Variants in PI4KA observed in about 807,000 individuals in gnomAD.
The protein encoded by PI4KA is phosphatidylinositol 4-kinase alpha, also known as PI4-kinase alpha.
Under a neutral mutation model 271.4 loss-of-function variants are expected in PI4KA, and 122 were observed. The ratio of observed to expected loss-of-function variants is 0.45; its 90% CI spans 0.39 to 0.52. The LOEUF (loss-of-function observed/expected upper bound fraction) is 0.52, where lower values mean the gene tolerates loss of function less well. Among genes scored for constraint, PI4KA ranks in the 20% least tolerant of loss-of-function variants. PI4KA has a pLI of 0.00. For missense variants in PI4KA, 1,969 were observed against 2,769.1 expected, an observed-to-expected ratio of 0.71 and a Z score of 6.48; for synonymous variants, 1,041 against 1,078.8, an observed-to-expected ratio of 0.96 and a Z score of 0.69.
At chr22:20,728,703 C>G (rs1927654047) in intron 39 of PI4KA, among the ~76,000 whole-genome samples, 1 of 152,218 alleles carries the variant, frequency 6.6e-6, no homozygotes, top group Admixed American at 6.5e-5. Context: ...CAAAGTAGGG[C>G]TGGAGAGAGG....
intron 42 of PI4KA, chr22:20,725,568 AC>A: frequency 2.2e-6 from 1 of 451,514 alleles, no homozygotes; most frequent in Non-Finnish European, 4.5e-6. Context: ...CAAAAGGATG[AC>A]CCTGTAAGGA....
intron 1 of PI4KA, among the ~76,000 whole-genome samples, chr22:20,845,039 T>C (rs1926074163): frequency 6.6e-6 from 1 of 152,166 alleles, no homozygotes; most frequent in Non-Finnish European, 1.5e-5. Flanking sequence ...CCAGGGTTAT[T>C]CCCATTTACA....
At chr22:20,760,894 G>C (rs1485785430) in intron 23 of PI4KA, among the ~76,000 whole-genome samples, 1 of 152,158 alleles carries the variant, frequency 6.6e-6, no homozygotes, top group Non-Finnish European at 1.5e-5. Flanking sequence ...GAACTCCTGG[G>C]CTCAAGCGAT....
chr22:20,801,170 T>C (rs1225071721), intron 14 of PI4KA, among the ~76,000 whole-genome samples: 3 of 150,644 alleles, frequency 2.0e-5, no homozygotes, highest in African/African-American at 7.3e-5. Context: ...GATTACAGGC[T>C]TGAGCCACCA....
At chr22:20,824,769 CACACACACACA>C (rs1923170469) in intron 3 of PI4KA, among the ~76,000 whole-genome samples, 1 of 146,724 alleles carries the variant, frequency 6.8e-6, no homozygotes, top group African/African-American at 2.5e-5. Flanking sequence ...CACACACACA[CACACACACACA>C]AAACACTCGG....
intron 17 of PI4KA, among the ~76,000 whole-genome samples, chr22:20,797,383 G>GGAGGCAGCTGGC (rs1935047018): frequency 6.6e-6 from 1 of 152,154 alleles, no homozygotes; most frequent in African/African-American, 2.4e-5. Context: ...AGGAAACCGG[G>GGAGGCAGCTGGC]GAGGCAGCTG....
intron 19 of PI4KA, among the ~76,000 whole-genome samples, chr22:20,766,277 C>G (rs1932515175): frequency 6.6e-6 from 1 of 152,126 alleles, no homozygotes; most frequent in Non-Finnish European, 1.5e-5. Flanking sequence ...ACAGGTAAAG[C>G]AGAGTTGCTT....
intron 9 of PI4KA, among the ~76,000 whole-genome samples, chr22:20,809,294 G>A (rs1935860645): frequency 6.6e-6 from 1 of 152,220 alleles, no homozygotes; most frequent in East Asian, 1.9e-4. Context: ...ATGTAAACTG[G>A]GGATTGTTGT....
intron 3 of PI4KA, among the ~76,000 whole-genome samples, chr22:20,831,344 G>A (rs1347328994): frequency 6.6e-6 from 1 of 152,046 alleles, no homozygotes; most frequent in Non-Finnish European, 1.5e-5. Flanking sequence ...AGGAGTGGGG[G>A]TCACTTGAGG....
intron 1 of PI4KA, among the ~76,000 whole-genome samples, chr22:20,853,693 A>C (rs139465684): frequency 2.9e-4 from 44 of 152,292 alleles, no homozygotes; most frequent in Non-Finnish European, 4.7e-4. Flanking sequence ...AAGCTCAGCC[A>C]TGGATCAGAA....
In PI4KA at chr22:20,787,536, C is replaced by T. The variant is rs1031249428; in HGVS notation, c.2328+5657G>A. 5 of 233,546 alleles carry T rather than the reference C, an allele frequency of 2.1e-5. No homozygotes were observed. In the South Asian group the frequency reaches 2.5e-4, roughly 12 times the overall value. 14.5% of individuals were successfully genotyped at this position (233,546 alleles called of 1,614,324 possible). On this transcript the variant is annotated intron_variant, in intron 19 of 54. Transcript: ENST00000255882. ...CCATTCTTGATGTCCAGGGAAGAAG[C>T]CACCTCAAGACATATGAGGGGTGCC...
intron 19 of PI4KA, among the ~76,000 whole-genome samples, chr22:20,780,789 A>AAAAAAAAAAAAAAAAAAAG (rs1569025354): frequency 6.6e-6 from 1 of 151,276 alleles, no homozygotes; most frequent in African/African-American, 2.4e-5. Flanking sequence ...AAAAAAAAAA[A>AAAAAAAAAAAAAAAAAAAG]AAGAAGTAAA....
intron 23 of PI4KA, among the ~76,000 whole-genome samples, chr22:20,753,431 G>A (rs925469137): frequency 1.3e-5 from 2 of 152,082 alleles, no homozygotes; most frequent in Non-Finnish European, 2.9e-5. Flanking sequence ...GATTTCCCAG[G>A]TCTCCCACAC....
At chr22:20,834,831 C>G (rs1472225519) in intron 2 of PI4KA, among the ~76,000 whole-genome samples, 176 bp from the exon 3 acceptor site, 1 of 152,226 alleles carries the variant, frequency 6.6e-6, no homozygotes, top group African/African-American at 2.4e-5. Context: ...TTCCTGTTTT[C>G]ACACTGCAGA....
At chr22:20,732,535 T>C (rs1450582545) in intron 36 of PI4KA, among the ~76,000 whole-genome samples, 1 of 152,258 alleles carries the variant, frequency 6.6e-6, no homozygotes, top group African/African-American at 2.4e-5. Flanking sequence ...CAACTCTGGA[T>C]GGGCCAAGTG....
intron 42 of PI4KA, chr22:20,725,627 G>A (rs546391674): frequency 1.2e-5 from 5 of 424,538 alleles, no homozygotes; most frequent in Admixed American, 7.3e-5. Flanking sequence ...GGGCACAGTG[G>A]CTCAGGCCTA....
At chr22:20,831,248 C>T (rs919407738) in intron 3 of PI4KA, among the ~76,000 whole-genome samples, 1 of 151,910 alleles carries the variant, frequency 6.6e-6, no homozygotes, top group Non-Finnish European at 1.5e-5. Flanking sequence ...TGAAATTCTT[C>T]GTTGCAAATT....
rs752277306 is a variant in PI4KA, at chr22:20,749,971, T to C, written c.3177A>G (p.Ala1059=). Residue 1059 remains alanine, a synonymous_variant, in exon 28 of 55, where the codon GCA becomes GCG. Transcript: ENST00000255882. ...CCTCCTGGAGGATCATCCCACAGCGTGCAGCGAAGTCCTTCACAATGCTCT... is the reference window on the plus strand; with the variant it reads ...CCTCCTGGAGGATCATCCCACAGCGCGCAGCGAAGTCCTTCACAATGCTCT... ...ARESIVKDFA[A]RCGMILQEAM... is the part of the protein sequence containing the mutation. 1 of 1,613,500 alleles carries C rather than the reference T, an allele frequency of 6.2e-7. No homozygotes were observed. The highest frequency in any genetic ancestry group is 1.1e-5 in the South Asian group (1 of 91,068).
chr22:20,760,593 G>A (rs1262592988), intron 23 of PI4KA, among the ~76,000 whole-genome samples: 4 of 152,010 alleles, frequency 2.6e-5, no homozygotes, highest in South Asian at 2.1e-4. Flanking sequence ...ACACACTCAC[G>A]GGACCACTAC....
Sources: allele counts gnomAD v4.1 joint callset (sites outside exome capture counted in the v4.1 genomes callset), GRCh38; gene constraint gnomAD v4.1.1; transcripts MANE v1.5; gene names NCBI Gene and HGNC (gene_info 2026-07-23, HGNC 2026-07-21).